TNRC18: variants seen among roughly 807,000 people sequenced by gnomAD.
TNRC18 encodes trinucleotide repeat containing 18.
Under a neutral mutation model 226.7 loss-of-function variants are expected in TNRC18, and 69 were observed. The ratio of observed to expected loss-of-function variants is 0.30; its 90% CI spans 0.25 to 0.37. The LOEUF is 0.37. Among genes scored for constraint, TNRC18 ranks in the 10% least tolerant of loss-of-function variants. The pLI is 1.00. For synonymous variants in TNRC18, 2,449 were observed against 1,927.6 expected (o/e 1.27, Z -7.09); for missense variants, 4,754 against 4,256.6 (o/e 1.12, Z -3.25).
At chr7:5,311,020 TTG>T (rs376394160) in intron 27 of TNRC18, among the ~76,000 whole-genome samples, 197 of 152,360 alleles carry the variant, frequency 1.3e-3, no homozygotes, top group African/African-American at 4.5e-3. Context: ...GTGCCTACGT[TTG>T]TGTACGTGTG....
intron 18 of TNRC18, among the ~76,000 whole-genome samples, chr7:5,334,200 G>T (rs1789844785): frequency 6.6e-6 from 1 of 152,362 alleles, no homozygotes; most frequent in African/African-American, 2.4e-5. Context: ...GGCTTGCTCT[G>T]CACTGCCCCG....
chr7:5,377,586 G>C lies in TNRC18; in HGVS notation c.2256-10C>G, dbSNP rs997960452. ...CAGCTCCTTACTCTCTCTGGAAGGA[G>C]GATCATAGGTGTCAGCGACAGCTCG... On this transcript the variant is annotated splice_polypyrimidine_tract_variant and intron_variant, in intron 6 of 29. Transcript: ENST00000430969. This position sits in a 1 kb window ranked among gnomAD's most constrained non-coding sequence, Gnocchi z 5.8. The C allele has an allele frequency of 5.1e-6, 8 of 1,568,964 alleles. No homozygotes were observed. In the African/African-American group the frequency reaches 1.1e-4, roughly 21 times the overall value.
chr7:5,405,658 A>G (rs1458071693), intron 2 of TNRC18, among the ~76,000 whole-genome samples: 1 of 151,538 alleles, frequency 6.6e-6, no homozygotes, highest in East Asian at 1.9e-4. Context: ...CAGGAGAATC[A>G]CGTGAACCCA....
At chr7:5,330,077 G>A (rs1789356038) in intron 19 of TNRC18, 1 of 438,662 alleles carries the variant, frequency 2.3e-6, no homozygotes, top group Non-Finnish European at 4.7e-6. Flanking sequence ...TGTGGTAGGT[G>A]CCCCCCAACA....
chr7:5,356,616 G>A (rs1400932602), intron 16 of TNRC18, among the ~76,000 whole-genome samples: 1 of 152,226 alleles, frequency 6.6e-6, no homozygotes, highest in Non-Finnish European at 1.5e-5. Flanking sequence ...GGCAAATGGC[G>A]GGCGGGCAAG....
intron 2 of TNRC18, among the ~76,000 whole-genome samples, chr7:5,410,676 G>C (rs1042634611): frequency 2.6e-5 from 4 of 151,928 alleles, no homozygotes; most frequent in African/African-American, 9.7e-5. Flanking sequence ...AACCAGCCTG[G>C]CCAACATGGT....
intron 19 of TNRC18, among the ~76,000 whole-genome samples, chr7:5,325,779 C>T (rs1308651370): frequency 2.3e-5 from 3 of 132,386 alleles, no homozygotes; most frequent in Non-Finnish European, 4.6e-5. Flanking sequence ...CTCTGTTGCC[C>T]AGGCCAGAGG....
At chr7:5,395,204 G>C (rs975574889) in intron 2 of TNRC18, among the ~76,000 whole-genome samples, 1 of 152,224 alleles carries the variant, frequency 6.6e-6, no homozygotes, top group Non-Finnish European at 1.5e-5. Flanking sequence ...CAGCCCTGCA[G>C]GGTGTCCCCC....
intron 2 of TNRC18, among the ~76,000 whole-genome samples, chr7:5,410,310 C>CAAAAA (rs1157425008): frequency 4.6e-3 from 281 of 61,270 alleles, no homozygotes; most frequent in East Asian, 8.8e-3. Flanking sequence ...GACTCTGTCT[C>CAAAAA]AAAAAAAAAA....
At chr7:5,325,427 T>TTG (rs1562494565) in intron 19 of TNRC18, 179 bp from the exon 20 acceptor site, 1 of 655,844 alleles carries the variant, frequency 1.5e-6, no homozygotes, top group Admixed American at 3.7e-5. Context: ...GGTTTTTTTT[T>TTG]GTTTTTTTTT....
chr7:5,345,517 G>GCACCCCCCCCCC lies in TNRC18; in HGVS notation c.5719+44_5719+45insGGGGGGGGGGTG. On this transcript the variant is annotated intron_variant, in intron 18 of 29. Transcript: ENST00000430969. ...CCTGTGGGATGGGGCAATGGCGTCC[G>GCACCCCCCCCCC]CCCCTCCCACCCACCCCCACCGCAG... 2.9e-5 allele frequency: 11 copies of GCACCCCCCCCCC among 377,744 alleles called. 1 individual carries two copies. Among genetic ancestry groups the GCACCCCCCCCCC allele is most frequent in the South Asian group, 1.3e-4 (3 of 22,822 alleles). The allele number at this position is 377,744 out of a possible 1,614,324, so 23.4% of individuals were successfully genotyped here.
In TNRC18 at chr7:5,372,240, T is replaced by A. The variant is rs1335882940; in HGVS notation, c.3230-876A>T. On this transcript the variant is annotated intron_variant, in intron 10 of 29. Transcript: ENST00000430969. Reference sequence around the variant, plus strand: ...CCGCCACCATGCCTGGCTAATTTTTTTTTTTTTTTTGTATTTTTAGTAGAG... The same window carrying A: ...CCGCCACCATGCCTGGCTAATTTTTATTTTTTTTTTGTATTTTTAGTAGAG... Among the ~76,000 whole-genome samples, 4 of 151,710 alleles carry A rather than the reference T, an allele frequency of 2.6e-5. No individual in the cohort carries two copies. In the East Asian group the frequency reaches 7.8e-4, roughly 29 times the overall value.
In TNRC18 at chr7:5,307,667, C is replaced by G. The variant is rs543551706; in HGVS notation, c.*439G>C. ...GGGAGGCCTTGGGGTGGGCTCCATG[C>G]TAAGGGTGCTTGGGAAGCCCAGAGT... On this transcript the variant is annotated 3_prime_UTR_variant, in exon 30 of 30. Transcript: ENST00000430969. 1.2e-4 allele frequency: 41 copies of G among 353,898 alleles called. No individual in the cohort carries two copies. Among genetic ancestry groups the G allele is most frequent in the Admixed American group, 7.3e-4 (20 of 27,448 alleles). 21.9% of individuals were successfully genotyped at this position (353,898 alleles called of 1,614,324 possible).
intron 18 of TNRC18, among the ~76,000 whole-genome samples, chr7:5,333,734 C>A (rs1334262377): frequency 6.6e-6 from 1 of 152,186 alleles, no homozygotes; most frequent in African/African-American, 2.4e-5. Context: ...TCTCTGCCAT[C>A]CCCTATGCAC....
At chr7:5,398,878 C>A (rs970951238) in intron 2 of TNRC18, among the ~76,000 whole-genome samples, 7 of 152,134 alleles carry the variant, frequency 4.6e-5, no homozygotes, top group African/African-American at 7.2e-5. Context: ...CCTGCCTTGG[C>A]CTCCCAAAGT....
chr7:5,360,199 T>A (rs1792892206), intron 14 of TNRC18, among the ~76,000 whole-genome samples: 1 of 151,042 alleles, frequency 6.6e-6, no homozygotes, highest in Non-Finnish European at 1.5e-5. Flanking sequence ...TTGCTGCTGC[T>A]GTATTTTATT....
In TNRC18 at chr7:5,309,110, C is replaced by T. The variant is rs757835387; in HGVS notation, c.8625+22G>A. 2.0e-5 allele frequency: 31 copies of T among 1,580,740 alleles called. No homozygotes were observed. The highest frequency in any genetic ancestry group is 4.1e-5 in the African/African-American group (3 of 73,988). On this transcript the variant is annotated intron_variant, in intron 28 of 29. Coordinates refer to ENST00000430969, the MANE Select transcript of TNRC18 (RefSeq NM_001080495.3). This position sits in a 1 kb window ranked among gnomAD's most constrained non-coding sequence, Gnocchi z 5.7. ...CCCTACACCGCCTAGGACTGGGGGC[C>T]GCAGCCGGGCCGCAGGCTCACCTGG...
chr7:5,325,554 G>T (rs1023615794), intron 19 of TNRC18: 1 of 319,054 alleles, frequency 3.1e-6, no homozygotes, highest in Non-Finnish European at 5.8e-6. Context: ...CTCCCGAGTA[G>T]CTGGGACTAC....
chr7:5,416,358 T>C (rs1424792800), intron 2 of TNRC18, among the ~76,000 whole-genome samples: 1 of 151,100 alleles, frequency 6.6e-6, no homozygotes, highest in Non-Finnish European at 1.5e-5. Context: ...GAGCTTGCAG[T>C]GAGCCGAGAT....
Sources: allele counts gnomAD v4.1 joint callset (sites outside exome capture counted in the v4.1 genomes callset), GRCh38; gene constraint gnomAD v4.1.1; non-coding constraint Gnocchi (gnomAD v3.1); transcripts MANE v1.5; gene names NCBI Gene and HGNC (gene_info 2026-07-23, HGNC 2026-07-21).